VCAN: variants seen among roughly 807,000 people sequenced by gnomAD.
VCAN encodes the protein versican, also known as versican core protein.
In VCAN, 44 loss-of-function variants were observed where a neutral mutation model predicts 245.5. The observed-to-expected ratio is 0.18, with a 90% CI of 0.14 to 0.23. The LOEUF (loss-of-function observed/expected upper bound fraction) is 0.23. VCAN is among the 10% of genes least tolerant of loss of function. The pLI, the probability that VCAN is intolerant of heterozygous loss-of-function variation, is 1.00. For synonymous variants in VCAN, 1,413 were observed against 1,437.0 expected (o/e 0.98, Z 0.38); for missense variants, 3,793 against 4,057.9 (o/e 0.93, Z 1.77).
chr5:83,579,840 T>A, intron 13 of VCAN, 140 bp from the exon 14 acceptor site: 1 of 920,642 alleles, frequency 1.1e-6, no homozygotes, highest in South Asian at 1.6e-5. Flanking sequence ...TTTTGAAAAA[T>A]TTCATATTCT....
chr5:83,558,622 T>G (rs1245925231), intron 12 of VCAN, among the ~76,000 whole-genome samples: 1 of 152,186 alleles, frequency 6.6e-6, no homozygotes, highest in Non-Finnish European at 1.5e-5. Context: ...AACTTTGCTT[T>G]CAATAAACTT....
chr5:83,507,475 AG>A (rs761966732), intron 5 of VCAN, among the ~76,000 whole-genome samples: 4 of 152,260 alleles, frequency 2.6e-5, no homozygotes, highest in Admixed American at 6.5e-5. Context: ...AGAGATAAAA[AG>A]GTGGCTTTAT....
At chr5:83,525,053 T>TG (rs974503312) in intron 7 of VCAN, among the ~76,000 whole-genome samples, 14 of 151,828 alleles carry the variant, frequency 9.2e-5, no homozygotes, top group African/African-American at 3.1e-4. Context: ...CTTGTTTTTT[T>TG]TTTTTTTTTT....
chr5:83,472,392 T>G (rs142649543), intron 1 of VCAN, among the ~76,000 whole-genome samples: 32 of 152,212 alleles, frequency 2.1e-4, no homozygotes, highest in African/African-American at 5.8e-4. Flanking sequence ...CTTTGATTTT[T>G]TTGTTGTTGT....
At chr5:83,552,189 T>C (rs1352798451) in intron 10 of VCAN, among the ~76,000 whole-genome samples, 1 of 151,992 alleles carries the variant, frequency 6.6e-6, no homozygotes, top group Non-Finnish European at 1.5e-5. Context: ...GAAAGAGGAG[T>C]AACAGGAATA....
Position 83,519,988 on chromosome 5 carries a change from C to T in VCAN, c.1682C>T (p.Thr561Ile). 2 of 1,614,082 alleles carry T rather than the reference C, an allele frequency of 1.2e-6. No individual in the cohort carries two copies. Among genetic ancestry groups the T allele is most frequent in the Non-Finnish European group, 1.7e-6 (2 of 1,179,964 alleles). ...GGAGAAGAGGATGATGAAGACAGAA[C>T]ACTTACAGTTGGATCTGATGAGAGC... Reference protein sequence around the residue: ...TLGEEDDEDRTLTVGSDESTL... With the variant: ...TLGEEDDEDRILTVGSDESTL... The change falls in exon 7 of 15, where the codon ACA (threonine) becomes ATA (isoleucine). Residue 561 changes from threonine to isoleucine, a missense_variant. By Grantham distance (89) the Thr-to-Ile change is moderately conservative (BLOSUM62 -1). This residue lies in a region of VCAN where 3,182 missense variants were observed against 3,250.3 expected (regional missense o/e 0.98). Coordinates refer to ENST00000265077, the MANE Select transcript of VCAN (RefSeq NM_004385.5).
intron 10 of VCAN, among the ~76,000 whole-genome samples, chr5:83,551,278 A>AG (rs1173818678): frequency 2.6e-5 from 4 of 152,184 alleles, no homozygotes; most frequent in African/African-American, 9.6e-5. Context: ...TGGGAGGCCA[A>AG]GGCAGGTGGA....
At chr5:83,515,608 T>C (rs1387919111) in intron 6 of VCAN, among the ~76,000 whole-genome samples, 2 of 152,238 alleles carry the variant, frequency 1.3e-5, no homozygotes, top group African/African-American at 4.8e-5. Context: ...TCTCCAAATT[T>C]CTAATTATTG....
chr5:83,562,828 G>GC (rs1284353568), intron 12 of VCAN, among the ~76,000 whole-genome samples: 1 of 145,934 alleles, frequency 6.9e-6, no homozygotes, highest in Non-Finnish European at 1.5e-5. Context: ...TCTGCCTGAG[G>GC]CCCCCTCTCT....
chr5:83,540,632 TATC>T lies in VCAN; in HGVS notation c.7632_7634del (p.Ile2545del). On this transcript the variant is annotated inframe_deletion, in exon 8 of 15. Transcript: ENST00000265077. ...ACAGAAAAAAACCCACTGAAAATAT[TATC>T]ATAGACCTGGACAAAGAGGACAAGG... 1 of 1,613,814 alleles carries T rather than the reference TATC, an allele frequency of 6.2e-7. No homozygotes were observed. Among genetic ancestry groups the T allele is most frequent in the Non-Finnish European group, 8.5e-7 (1 of 1,179,964 alleles).
intron 5 of VCAN, among the ~76,000 whole-genome samples, chr5:83,499,017 C>T (rs1331406916): frequency 6.6e-6 from 1 of 152,048 alleles, no homozygotes; most frequent in Non-Finnish European, 1.5e-5. Context: ...GTGCATCTCG[C>T]CCTGCACAGA....
At position 83,537,159 on chromosome 5, in the gene VCAN, A is replaced by T; in HGVS notation, c.4156A>T (p.Ser1386Cys). The T allele has an allele frequency of 6.2e-7, 1 of 1,613,834 alleles. No individual in the cohort carries two copies. The highest frequency in any genetic ancestry group is 1.1e-5 in the South Asian group (1 of 91,082). The change falls in exon 8 of 15, where the codon AGT becomes TGT. Residue 1386 changes from serine (S) to cysteine (C), a missense_variant. By Grantham distance (112) the Ser-to-Cys change is moderately radical. Transcript: ENST00000265077. Reference protein sequence around the residue: ...PDIIEIDLYHSEENEEEEEEC... With the variant: ...PDIIEIDLYHCEENEEEEEEC... ...CATAATTGAAATAGACCTATACCAC[A>T]GTGAAGAAAATGAAGAAGAAGAAGA... is the stretch of plus-strand genomic sequence containing the variant.
At chr5:83,552,874 G>A (rs1045299429) in intron 10 of VCAN, among the ~76,000 whole-genome samples, 5 of 152,282 alleles carry the variant, frequency 3.3e-5, no homozygotes, top group African/African-American at 1.2e-4. Context: ...CATGACAAGA[G>A]CCTGTGACTT....
intron 10 of VCAN, among the ~76,000 whole-genome samples, chr5:83,551,402 C>G (rs1747465118): frequency 6.6e-6 from 1 of 151,918 alleles, no homozygotes; most frequent in South Asian, 2.1e-4. Flanking sequence ...GTCCCAGCTA[C>G]TAGGGAGGCT....
chr5:83,563,854 C>T (rs1747971730), intron 12 of VCAN, among the ~76,000 whole-genome samples: 1 of 151,942 alleles, frequency 6.6e-6, no homozygotes, highest in African/African-American at 2.4e-5. Flanking sequence ...GCAGACATTG[C>T]ATTTGTGTGC....
intron 9 of VCAN, among the ~76,000 whole-genome samples, chr5:83,547,341 A>G (rs1747266089): frequency 6.6e-6 from 1 of 152,144 alleles, no homozygotes; most frequent in African/African-American, 2.4e-5. Context: ...TGGAATTGGA[A>G]TTGTGGATTT....
rs1319680589 is a variant in VCAN, at chr5:83,580,025, G to C, written c.9926G>C (p.Gly3309Ala). 1.2e-6 allele frequency: 2 copies of C among 1,613,982 alleles called. No homozygotes were observed. The highest frequency in any genetic ancestry group is 1.7e-6 in the Non-Finnish European group (2 of 1,180,002). The change falls in exon 14 of 15, where the codon GGA (glycine) becomes GCA (alanine). Residue 3309 changes from glycine to alanine, a missense_variant. By Grantham distance (60) the Gly-to-Ala change is moderately conservative. Transcript: ENST00000265077. ...GTTGTAGAAAATGCCAAGACCTTTG[G>C]AAAGATGAAACCTCGTTATGAAATC... ...PPVVENAKTF[G>A]KMKPRYEINS...
chr5:83,552,941 T>TA (rs1747526959), intron 10 of VCAN, among the ~76,000 whole-genome samples: 1 of 152,348 alleles, frequency 6.6e-6, no homozygotes, highest in South Asian at 2.1e-4. Flanking sequence ...TTGAAGTTGT[T>TA]ATGCAAATAG....
Position 83,537,234 on chromosome 5 carries a change from A to G in VCAN, c.4231A>G (p.Ile1411Val). Reference protein sequence around the residue: ...DVTTTPSVQYINGKHLVTTVP... With the variant: ...DVTTTPSVQYVNGKHLVTTVP... ...GACAACCACCCCATCTGTGCAGTAC[A>G]TAAATGGGAAGCATCTCGTTACCAC... The change falls in exon 8 of 15, where the codon ATA becomes GTA. Residue 1411 changes from isoleucine to valine, a missense_variant. Around this residue, in one of 5 missense-constraint regions of VCAN, gnomAD observed 3,182 missense variants for 3,250.3 expected, o/e 0.98. Transcript: ENST00000265077. 6.2e-7 allele frequency: 1 copy of G among 1,613,906 alleles called. No homozygotes were observed.
Sources: gnomAD v4.1 joint callset for allele counts (sites outside exome capture counted in the v4.1 genomes callset) on GRCh38, gnomAD v4.1.1 for gene constraint, gnomAD v4.1.1 regional missense constraint, MANE v1.5 for transcripts, NCBI Gene and HGNC (gene_info 2026-07-23, HGNC 2026-07-21) for gene names.